The following RGS17 variants were observed in gnomAD, a reference collection of about 807,000 sequenced individuals.
The protein encoded by RGS17 is regulator of G protein signaling 17.
In RGS17, 12 loss-of-function variants were observed where a neutral mutation model predicts 25.5. The ratio of observed to expected loss-of-function variants is 0.47; its 90% CI spans 0.30 to 0.76. RGS17 has a LOEUF of 0.76. Ranked by LOEUF, RGS17 falls within the 30% of genes least tolerant of loss-of-function variation. The pLI is 0.07. For synonymous variants in RGS17, 71 were observed against 76.9 expected, an observed-to-expected ratio of 0.92 and a Z score of 0.40; for missense variants, 196 against 242.2, an observed-to-expected ratio of 0.81 and a Z score of 1.27.
chr6:153,054,092 T>TATATATATATGTATA (rs1393844507), intron 1 of RGS17, among the ~76,000 whole-genome samples: 17 of 42,062 alleles, frequency 4.0e-4, no homozygotes, highest in South Asian at 2.2e-3. Context: ...ACAATATTTT[T>TATATATATATGTATA]TATATATATA....
intron 1 of RGS17, among the ~76,000 whole-genome samples, chr6:153,047,075 G>A (rs1776394180): frequency 6.6e-6 from 1 of 152,156 alleles, no homozygotes; most frequent in African/African-American, 2.4e-5. Flanking sequence ...ATGGAGTTAT[G>A]TGTTCCAAGT....
chr6:153,126,421 G>C (rs1777704789), intron 1 of RGS17, among the ~76,000 whole-genome samples: 1 of 152,170 alleles, frequency 6.6e-6, no homozygotes, highest in African/African-American at 2.4e-5. Context: ...CAATGCCCTG[G>C]CTGATCCAGC....
At chr6:153,127,817 G>A (rs2129127934) in intron 1 of RGS17, among the ~76,000 whole-genome samples, 1 of 152,256 alleles carries the variant, frequency 6.6e-6, no homozygotes, top group Admixed American at 6.5e-5. Flanking sequence ...TAGTGTACTT[G>A]GTAAACAGTG....
intron 1 of RGS17, among the ~76,000 whole-genome samples, chr6:153,072,151 T>C (rs536171676): frequency 1.3e-5 from 2 of 152,288 alleles, no homozygotes; most frequent in South Asian, 4.1e-4. Context: ...TTAATGATGA[T>C]TATTTGTCAT....
At chr6:153,093,725 G>A (rs1777164977) in intron 1 of RGS17, among the ~76,000 whole-genome samples, 3 of 152,142 alleles carry the variant, frequency 2.0e-5, no homozygotes. Flanking sequence ...TCTTGACTTG[G>A]TAGATAAGGG....
chr6:153,013,844 A>G (rs75666950), intron 4 of RGS17, among the ~76,000 whole-genome samples: 3,854 of 152,298 alleles, frequency 0.025, 153 homozygotes, highest in South Asian at 0.09. Flanking sequence ...GTGTAAGAAA[A>G]GTTTGAAGCT....
At chr6:153,053,943 AAT>A (rs1434376850) in intron 1 of RGS17, among the ~76,000 whole-genome samples, 4 of 45,878 alleles carry the variant, frequency 8.7e-5, no homozygotes, top group African/African-American at 3.1e-4. Flanking sequence ...ATGTATATAT[AAT>A]ATATATACAT....
intron 3 of RGS17, 99 bp from the exon 4 acceptor site, chr6:153,024,595 C>T: frequency 1.1e-6 from 1 of 878,800 alleles, no homozygotes; most frequent in Non-Finnish European, 1.8e-6. Flanking sequence ...TATCAATTTG[C>T]TGCCATCTAG....
intron 1 of RGS17, among the ~76,000 whole-genome samples, chr6:153,068,547 A>C (rs1393428148): frequency 6.6e-6 from 1 of 152,182 alleles, no homozygotes; most frequent in Non-Finnish European, 1.5e-5. Flanking sequence ...GGCTGGACAA[A>C]AATTCCTGAG....
chr6:153,046,645 G>A (rs1014233983), intron 1 of RGS17, among the ~76,000 whole-genome samples: 20 of 152,026 alleles, frequency 1.3e-4, no homozygotes, highest in African/African-American at 3.9e-4. Flanking sequence ...AAACAATCCC[G>A]AAGATGGTGC....
chr6:153,054,032 TAC>T lies in RGS17; in HGVS notation c.-25-9991_-25-9990del, dbSNP rs1440701049. Among the ~76,000 whole-genome samples the T allele has an allele frequency of 1.0e-3, 44 of 42,172 alleles. 4 individuals are homozygous for T. Among genetic ancestry groups the T allele is most frequent in the African/African-American group, 1.9e-3 (18 of 9,344 alleles). The allele number at this position is 42,172 out of a possible 152,430, so 27.7% of individuals were successfully genotyped here. A position where few individuals can be genotyped will look rare whatever the true frequency, so the allele number is the denominator to read the frequency against. On this transcript the variant is annotated intron_variant, in intron 1 of 4. Transcript: ENST00000206262. ...TACGTATATATGTATATAATATATA[TAC>T]ATATATATGTATATATGTATATAAT...
At chr6:153,115,033 C>T (rs1421346079) in intron 1 of RGS17, among the ~76,000 whole-genome samples, 3 of 152,096 alleles carry the variant, frequency 2.0e-5, no homozygotes, top group Admixed American at 2.0e-4. Context: ...ACAAGGATGC[C>T]CTCTCTCACC....
intron 1 of RGS17, among the ~76,000 whole-genome samples, chr6:153,110,421 A>AACACACACACACAC (rs1461888935): frequency 2.9e-5 from 2 of 68,774 alleles, no homozygotes; most frequent in Non-Finnish European, 5.7e-5. Context: ...CTTTACTGCC[A>AACACACACACACAC]ACATACACAC....
At chr6:153,047,312 T>G (rs9397125) in intron 1 of RGS17, among the ~76,000 whole-genome samples, 1 of 152,028 alleles carries the variant, frequency 6.6e-6, no homozygotes, top group Non-Finnish European at 1.5e-5. Context: ...TAAAAGTCTA[T>G]GTTTCTCTGT....
At position 153,004,793 on chromosome 6, in the gene RGS17, A is replaced by C. The variant is rs1190162116; in HGVS notation, c.*6781T>G. ...AAACATAATCTGGATTATCTATTCA[A>C]TTTGTGAATACCCACCGTTATTCTG... is the stretch of plus-strand genomic sequence containing the variant. On this transcript the variant is annotated 3_prime_UTR_variant, in exon 5 of 5. Coordinates refer to ENST00000206262, the MANE Select transcript of RGS17 (RefSeq NM_012419.5). 1 of 152,184 alleles carries C rather than the reference A, an allele frequency of 6.6e-6. No homozygotes were observed. Among genetic ancestry groups the C allele is most frequent in the Non-Finnish European group, 1.5e-5 (1 of 67,996 alleles). The allele number at this position is 152,184 out of a possible 1,614,324, so 9.4% of individuals were successfully genotyped here. A position where few individuals can be genotyped will look rare whatever the true frequency, so the allele number is the denominator to read the frequency against.
In RGS17 at chr6:153,006,301, T is replaced by A. The variant is rs751793903; in HGVS notation, c.*5273A>T. On this transcript the variant is annotated 3_prime_UTR_variant, in exon 5 of 5. Transcript: ENST00000206262. ...CTCATTTATATATTTAGCAAGTAATTTGATATTATTTCTGTCCTTGGGAAT... is the reference window on the plus strand; with the variant it reads ...CTCATTTATATATTTAGCAAGTAATATGATATTATTTCTGTCCTTGGGAAT... 3 of 152,508 alleles carry A rather than the reference T, an allele frequency of 2.0e-5. No homozygotes were observed. The highest frequency in any genetic ancestry group is 4.4e-5 in the Non-Finnish European group (3 of 68,026). 9.4% of individuals were successfully genotyped at this position (152,508 alleles called of 1,614,324 possible).
intron 1 of RGS17, among the ~76,000 whole-genome samples, chr6:153,077,968 G>A (rs1427697471): frequency 1.3e-5 from 2 of 151,988 alleles, no homozygotes; most frequent in African/African-American, 4.8e-5. Flanking sequence ...CTGCCTCCCA[G>A]GTTCAAGCAA....
At chr6:153,026,740 A>G (rs1779307125) in intron 2 of RGS17, among the ~76,000 whole-genome samples, 197 bp from the exon 3 acceptor site, 1 of 152,206 alleles carries the variant, frequency 6.6e-6, no homozygotes, top group African/African-American at 2.4e-5. Context: ...TTTTAAATAA[A>G]ATTATATAGT....
intron 1 of RGS17, among the ~76,000 whole-genome samples, chr6:153,072,113 G>A (rs568991020): frequency 1.3e-5 from 2 of 152,162 alleles, no homozygotes; most frequent in Admixed American, 6.6e-5. Context: ...AGCATCTAAG[G>A]GAGTGTCCAA....
Sources: gnomAD v4.1 joint callset for allele counts (sites outside exome capture counted in the v4.1 genomes callset) on GRCh38, gnomAD v4.1.1 for gene constraint, MANE v1.5 for transcripts, NCBI Gene and HGNC (gene_info 2026-07-23, HGNC 2026-07-21) for gene names.